TUSC3: variants seen among roughly 807,000 people sequenced by gnomAD.
TUSC3 encodes the protein dolichyl-diphosphooligosaccharide--protein glycosyltransferase subunit TUSC3.
TUSC3 carries 45 observed loss-of-function variants against 44.8 expected under a neutral mutation model. The ratio of observed to expected loss-of-function variants is 1.00; its 90% CI spans 0.79 to 1.29. The LOEUF is 1.29. Among genes scored for constraint, TUSC3 ranks in the 50% most tolerant of loss-of-function variants. TUSC3 has a pLI of 0.00. For synonymous variants in TUSC3, 212 were observed against 152.9 expected (o/e 1.39, Z -2.85); for missense variants, 519 against 437.9 (o/e 1.19, Z -1.65).
At chr8:15,733,657 A>T (rs1285629871) in intron 7 of TUSC3, 1 of 154,934 alleles carries the variant, frequency 6.5e-6, no homozygotes, top group Non-Finnish European at 1.4e-5. Context: ...GCTAATAGTC[A>T]TTATTTGTTG....
At chr8:15,484,287 A>G (rs55756181) in intron 2 of TUSC3, among the ~76,000 whole-genome samples, 15,965 of 152,280 alleles carry the variant, frequency 0.1, 1,158 homozygotes, top group African/African-American at 0.21. Flanking sequence ...CTGCTCTAGC[A>G]CAATTTCCCA....
At chr8:15,533,294 C>T (rs1171477422) in intron 2 of TUSC3, among the ~76,000 whole-genome samples, 2 of 152,054 alleles carry the variant, frequency 1.3e-5, no homozygotes, top group African/African-American at 2.4e-5. Context: ...TTGATTAATA[C>T]AGAGGGGTAG....
rs563452370 is a variant in TUSC3, at chr8:15,451,584, C to G, written n.92-31802C>G. ...GCATAGAAGCTCCACACCCCTTTCC[C>G]TATACCTTGCCAAATGCATCTCTTC... On this transcript the variant is annotated intron_variant and non_coding_transcript_variant, in intron 1 of 5. Coordinates refer to the TUSC3 transcript ENST00000503191. Among the ~76,000 whole-genome samples the G allele has an allele frequency of 2.0e-5, 3 of 152,314 alleles. No individual in the cohort carries two copies. The South Asian group carries it at 6.2e-4, about 32-fold the overall frequency.
At chr8:15,816,434 T>C in the TUSC3 span, among the ~76,000 whole-genome samples, 1 of 152,140 alleles carries the variant, frequency 6.6e-6, no homozygotes, top group African/African-American at 2.4e-5. Flanking sequence ...ATTCTGATAG[T>C]AAAACTCTTG....
chr8:15,499,568 C>T (rs1800930489), intron 2 of TUSC3, among the ~76,000 whole-genome samples: 1 of 152,148 alleles, frequency 6.6e-6, no homozygotes, highest in African/African-American at 2.4e-5. Context: ...TGCATTCTGT[C>T]ATTCAACATA....
At chr8:15,744,978 T>C (rs1330170570) in intron 8 of TUSC3, among the ~76,000 whole-genome samples, 3 of 152,094 alleles carry the variant, frequency 2.0e-5, no homozygotes, top group African/African-American at 7.2e-5. Flanking sequence ...TCGTGTCTGT[T>C]CTCATCTTTA....
intron 1 of TUSC3, among the ~76,000 whole-genome samples, chr8:15,427,009 G>A (rs113976049): frequency 8.6e-5 from 13 of 151,468 alleles, no homozygotes; most frequent in South Asian, 2.1e-4. Flanking sequence ...GCATTTGTAC[G>A]TCTACATTGA....
rs78377821 is a variant in TUSC3 at position 15,756,513 on chromosome 8, C to T, written c.1029-1278C>T. 3.5e-3 allele frequency among the ~76,000 whole-genome samples: 531 copies of T among 152,194 alleles called. 1 individual carries two copies. Among genetic ancestry groups the T allele is most frequent in the African/African-American group, 0.012 (515 of 41,538 alleles). ...ATGTTTTTCATTAAGTATTCATTTA[C>T]AGTTGTTTCATGTGTTTGTCTTTTT... On this transcript the variant is annotated intron_variant, in intron 9 of 10. Coordinates refer to ENST00000503731, the MANE Select transcript of TUSC3 (RefSeq NM_006765.4).
At position 15,713,194 on chromosome 8, in the gene TUSC3, G is replaced by A. The variant is rs912780537; in HGVS notation, c.799-17472G>A. ...AGCCTCCCTTTCATTATTCTCTTCC[G>A]AATTTATCATACTCATTCCAAAGGT... On this transcript the variant is annotated intron_variant, in intron 6 of 10. Coordinates refer to ENST00000503731, the MANE Select transcript of TUSC3 (RefSeq NM_006765.4). 3.3e-5 allele frequency among the ~76,000 whole-genome samples: 5 copies of A among 151,984 alleles called. No homozygotes were observed. The East Asian group carries it at 5.8e-4, about 18-fold the overall frequency.
At chr8:15,451,061 G>T (rs549733653) in intron 1 of TUSC3, among the ~76,000 whole-genome samples, 2 of 152,120 alleles carry the variant, frequency 1.3e-5, no homozygotes, top group Admixed American at 1.3e-4. Context: ...ACTAGCTTTG[G>T]GTTCAAAATC....
At chr8:15,419,461 G>A (rs1490994490) in intron 1 of TUSC3, among the ~76,000 whole-genome samples, 1 of 152,112 alleles carries the variant, frequency 6.6e-6, no homozygotes, top group African/African-American at 2.4e-5. Context: ...TAATATTTTA[G>A]AATGTTTATT....
At chr8:15,817,429 G>C in the TUSC3 span, among the ~76,000 whole-genome samples, 1,771 of 152,122 alleles carry the variant, frequency 0.012, 46 homozygotes, top group African/African-American at 0.04. Flanking sequence ...AAACAAATGT[G>C]GTTTGGCTTG....
Position 15,559,595 on chromosome 8 carries a change from C to A in TUSC3, c.138+19027C>A, listed in dbSNP as rs150366492. Among the ~76,000 whole-genome samples the A allele has an allele frequency of 8.6e-5, 12 of 140,008 alleles. 3 individuals are homozygous for A. In the East Asian group the frequency reaches 2.7e-3, roughly 32 times the overall value. The allele number at this position is 140,008 out of a possible 152,430, so 91.9% of individuals were successfully genotyped here. A position where few individuals can be genotyped will look rare whatever the true frequency, so the allele number is the denominator to read the frequency against. ...GTCTCGTTGATCTGTCTAATGTTGA[C>A]GGTGGGGTGCTAAAGTCTCCCATTA... On this transcript the variant is annotated intron_variant, in intron 1 of 10. Transcript: ENST00000503731.
the TUSC3 span, among the ~76,000 whole-genome samples, chr8:15,827,256 T>C: frequency 1.3e-5 from 2 of 152,228 alleles, no homozygotes; most frequent in African/African-American, 2.4e-5. Context: ...CATTATTTGA[T>C]TCTAACTCAT....
At chr8:15,618,678 A>T (rs1805102304) in intron 1 of TUSC3, among the ~76,000 whole-genome samples, 1 of 152,212 alleles carries the variant, frequency 6.6e-6, no homozygotes, top group Non-Finnish European at 1.5e-5. Context: ...CAGTCTAAAG[A>T]TAAAAAGTAT....
intron 2 of TUSC3, among the ~76,000 whole-genome samples, chr8:15,631,345 A>ATT (rs1805755197): frequency 6.6e-6 from 1 of 152,184 alleles, no homozygotes; most frequent in Non-Finnish European, 1.5e-5. Flanking sequence ...TGTTTACAGC[A>ATT]AACGTTCATT....
intron 1 of TUSC3, among the ~76,000 whole-genome samples, chr8:15,424,973 T>C (rs1799786049): frequency 6.6e-6 from 1 of 152,144 alleles, no homozygotes. Flanking sequence ...GGTGATGGCA[T>C]TGTATATTAC....
chr8:15,832,914 T>C, the TUSC3 span, among the ~76,000 whole-genome samples: 1 of 152,098 alleles, frequency 6.6e-6, no homozygotes, highest in Admixed American at 6.6e-5. Context: ...TTGGAACTCA[T>C]CACTGGATTA....
intron 10 of TUSC3, among the ~76,000 whole-genome samples, chr8:15,759,209 G>A (rs1420361395): frequency 6.6e-6 from 1 of 152,008 alleles, no homozygotes; most frequent in Non-Finnish European, 1.5e-5. Context: ...TTTCCCGTTT[G>A]CACCTTTTTT....
Sources: gnomAD v4.1 joint callset for allele counts (sites outside exome capture counted in the v4.1 genomes callset) on GRCh38, gnomAD v4.1.1 for gene constraint, MANE v1.5 for transcripts, NCBI Gene and HGNC (gene_info 2026-07-23, HGNC 2026-07-21) for gene names.